GSTA1: variants seen among roughly 807,000 people sequenced by gnomAD.
GSTA1 encodes the protein glutathione S-transferase alpha 1, also known as glutathione S-transferase A1.
GSTA1 carries 23 observed loss-of-function variants against 21.5 expected under a neutral mutation model. That is an observed-to-expected ratio of 1.07 (90% CI 0.77 to 1.52). GSTA1 has a LOEUF of 1.52. Among genes scored for constraint, GSTA1 ranks in the 40% most tolerant of loss-of-function variants. The pLI is 0.00. For missense variants in GSTA1, 301 were observed against 264.2 expected (o/e 1.14, Z -0.96); for synonymous variants, 125 against 90.0 (o/e 1.39, Z -2.20).
At chr6:52,795,968 C>A (rs1763566381) in intron 4 of GSTA1, among the ~76,000 whole-genome samples, 2 of 152,278 alleles carry the variant, frequency 1.3e-5, no homozygotes, top group Middle Eastern at 3.4e-3. Context: ...GATCCATGGA[C>A]TGCATCCTCT....
chr6:52,797,871 A>G (rs1212783531), intron 2 of GSTA1, among the ~76,000 whole-genome samples: 4 of 152,212 alleles, frequency 2.6e-5, no homozygotes, highest in Non-Finnish European at 5.9e-5. Context: ...CTCCACCCTG[A>G]TATGAATGTC....
intron 2 of GSTA1, among the ~76,000 whole-genome samples, chr6:52,798,871 AT>A (rs142931811): frequency 5.9e-5 from 9 of 152,330 alleles, no homozygotes; most frequent in Non-Finnish European, 1.3e-4. Flanking sequence ...GTCTTCATAT[AT>A]TCAATCGATA....
chr6:52,798,675 A>G lies in GSTA1; in HGVS notation c.87+506T>C, dbSNP rs1232517953. Among the ~76,000 whole-genome samples, 124 of 136,680 alleles carry G rather than the reference A, an allele frequency of 9.1e-4. 1 individual carries two copies. The highest frequency in any genetic ancestry group is 3.3e-3 in the African/African-American group (117 of 35,904). The allele number at this position is 136,680 out of a possible 152,430, so 89.7% of individuals were successfully genotyped here. ...TCTCACCTAGAATCAATAATTATCA[A>G]TCAAAACCAATATGGTTTCATCTAT... is the stretch of plus-strand genomic sequence containing the variant. On this transcript the variant is annotated intron_variant, in intron 2 of 6. Coordinates refer to ENST00000334575, the MANE Select transcript of GSTA1 (RefSeq NM_145740.5).
chr6:52,793,358 C>G (rs1048329102), intron 5 of GSTA1, among the ~76,000 whole-genome samples: 3 of 152,062 alleles, frequency 2.0e-5, no homozygotes, highest in African/African-American at 4.8e-5. Flanking sequence ...ACATTCTGCT[C>G]TCTCCCTCTC....
At chr6:52,793,986 GC>G in intron 5 of GSTA1, 138 bp downstream of exon 5, 1 of 985,540 alleles carries the variant, frequency 1.0e-6, no homozygotes, top group Non-Finnish European at 1.5e-6. Flanking sequence ...TTCATAAAAT[GC>G]CTTGAGAGTC....
Position 52,794,129 on chromosome 6 carries a change from T to A in GSTA1, c.410A>T (p.Glu137Val). The change falls in exon 5 of 7, where the codon GAA becomes GTA. Residue 137 changes from glutamate to valine, a missense_variant. By Grantham distance (121) the Glu-to-Val change is moderately radical (BLOSUM62 -2). Transcript: ENST00000334575. ...ACACTGAACTGCTTCACTTACTTTT[T>A]CAAAGGCAGGGAAGTAGCGATTTTT... is the stretch of plus-strand genomic sequence containing the variant. Reference protein sequence around the residue: ...KIKNRYFPAFEKVLKSHGQDY... With the variant: ...KIKNRYFPAFVKVLKSHGQDY... 3.1e-6 allele frequency: 5 copies of A among 1,613,854 alleles called. No individual in the cohort carries two copies. The highest frequency in any genetic ancestry group is 4.2e-6 in the Non-Finnish European group (5 of 1,179,798).
At chr6:52,797,353 G>A (rs922192893) in intron 3 of GSTA1, among the ~76,000 whole-genome samples, 4 of 152,140 alleles carry the variant, frequency 2.6e-5, no homozygotes, top group Non-Finnish European at 5.9e-5. Context: ...GGCTTTCTCA[G>A]CGGTGGGAGA....
chr6:52,800,693 A>G (rs1249841941), intron 1 of GSTA1, among the ~76,000 whole-genome samples: 3 of 152,168 alleles, frequency 2.0e-5, no homozygotes, highest in South Asian at 2.1e-4. Context: ...TAATTGTATC[A>G]TGAATGTGAA....
At chr6:52,796,509 G>A (rs1432928359) in intron 3 of GSTA1, among the ~76,000 whole-genome samples, 195 bp from the exon 4 acceptor site, 228 of 7,354 alleles carry the variant, frequency 0.031, 10 homozygotes, top group Middle Eastern at 0.17. Flanking sequence ...GTGTGTGTGT[G>A]TGTGTGTGTG....
intron 1 of GSTA1, among the ~76,000 whole-genome samples, chr6:52,802,178 T>A (rs1763733575): frequency 6.6e-6 from 1 of 152,142 alleles, no homozygotes; most frequent in Non-Finnish European, 1.5e-5. Context: ...TATAATTACT[T>A]TACATCAATA....
intron 1 of GSTA1, among the ~76,000 whole-genome samples, chr6:52,803,176 C>A (rs1763755781): frequency 1.3e-5 from 2 of 152,080 alleles, no homozygotes; most frequent in South Asian, 4.1e-4. Flanking sequence ...GATCTCCATT[C>A]AAAGAATTAC....
In GSTA1 at chr6:52,791,741, T is replaced by C. The variant is rs754531416; in HGVS notation, c.*117A>G. 1.7e-4 allele frequency: 202 copies of C among 1,199,564 alleles called. No homozygotes were observed. The highest frequency in any genetic ancestry group is 2.3e-4 in the Non-Finnish European group (196 of 838,704). The allele number at this position is 1,199,564 out of a possible 1,614,324, so 74.3% of individuals were successfully genotyped here. A position where few individuals can be genotyped will look rare whatever the true frequency, so the allele number is the denominator to read the frequency against. On this transcript the variant is annotated 3_prime_UTR_variant, in exon 7 of 7. Transcript: ENST00000334575. ...GTTGTATTATTTAATTAGCATATAATTTGAAAGAGTTCATTAGCTTCACAA... is the reference window on the plus strand; with the variant it reads ...GTTGTATTATTTAATTAGCATATAACTTGAAAGAGTTCATTAGCTTCACAA...
At chr6:52,800,760 G>C (rs1763697188) in intron 1 of GSTA1, among the ~76,000 whole-genome samples, 2 of 152,210 alleles carry the variant, frequency 1.3e-5, no homozygotes, top group African/African-American at 2.4e-5. Context: ...CTTAGGAACA[G>C]TTGCGTTTTC....
In GSTA1 at chr6:52,791,769, G is replaced by A. The variant is rs1763462186; in HGVS notation, c.*89C>T. On this transcript the variant is annotated 3_prime_UTR_variant, in exon 7 of 7. Transcript: ENST00000334575. Reference sequence around the variant, plus strand: ...GAAAGAGTTCATTAGCTTCACAACAGGCACAATCAACACTTAGGTAAAGTA... The same window carrying A: ...GAAAGAGTTCATTAGCTTCACAACAAGCACAATCAACACTTAGGTAAAGTA... 6.8e-7 allele frequency: 1 copy of A among 1,473,706 alleles called. No homozygotes were observed. Among genetic ancestry groups the A allele is most frequent in the South Asian group, 1.2e-5 (1 of 84,036 alleles). The allele number at this position is 1,473,706 out of a possible 1,614,324, so 91.3% of individuals were successfully genotyped here. A position where few individuals can be genotyped will look rare whatever the true frequency, so the allele number is the denominator to read the frequency against.
chr6:52,792,816 G>A (rs1349373933), intron 6 of GSTA1, 40 bp downstream of exon 6: 1 of 1,613,288 alleles, frequency 6.2e-7, no homozygotes, highest in Admixed American at 1.7e-5. Context: ...CCCAAGATGG[G>A]AGATGTGGGG....
intron 1 of GSTA1, among the ~76,000 whole-genome samples, chr6:52,801,555 A>G (rs528652853): frequency 6.6e-6 from 1 of 152,312 alleles, no homozygotes; most frequent in Non-Finnish European, 1.5e-5. Context: ...CATGTTTCAA[A>G]AGGAAGTGAA....
At chr6:52,793,290 G>GCA (rs1763502464) in intron 5 of GSTA1, among the ~76,000 whole-genome samples, 4 of 152,104 alleles carry the variant, frequency 2.6e-5, no homozygotes, top group Non-Finnish European at 4.4e-5. Context: ...CTGCCTCCAT[G>GCA]TGTTCTGTCT....
In GSTA1 at chr6:52,792,449, AC is replaced by A. The variant is rs1229463989; in HGVS notation, c.546+406del. ...GTTCTGGAGAGCTGTGCAGAGAGGA[AC>A]ACAATGTCAGACAGCAGGAGCCGGA... On this transcript the variant is annotated intron_variant, in intron 6 of 6. Coordinates refer to ENST00000334575, the MANE Select transcript of GSTA1 (RefSeq NM_145740.5). Among the ~76,000 whole-genome samples, 8 of 152,278 alleles carry A rather than the reference AC, an allele frequency of 5.3e-5. No homozygotes were observed. In the South Asian group the frequency reaches 8.3e-4, roughly 16 times the overall value.
intron 1 of GSTA1, among the ~76,000 whole-genome samples, chr6:52,799,681 A>G (rs1321251033): frequency 6.6e-6 from 1 of 152,216 alleles, no homozygotes; most frequent in Admixed American, 6.5e-5. Context: ...AACCCTCCTT[A>G]TAGTCCCGTG....
Sources: gnomAD v4.1 joint callset for allele counts (sites outside exome capture counted in the v4.1 genomes callset) on GRCh38, gnomAD v4.1.1 for gene constraint, MANE v1.5 for transcripts, NCBI Gene and HGNC (gene_info 2026-07-23, HGNC 2026-07-21) for gene names.